TRPC7: variants seen among roughly 807,000 people sequenced by gnomAD.
TRPC7 encodes the protein short transient receptor potential channel 7.
TRPC7 carries 42 observed loss-of-function variants against 90.1 expected under a neutral mutation model. The ratio of observed to expected loss-of-function variants is 0.47; its 90% confidence interval spans 0.36 to 0.60. The LOEUF (loss-of-function observed/expected upper bound fraction) is 0.60, where lower values mean the gene tolerates loss of function less well. TRPC7 is among the 20% of genes least tolerant of loss of function. The probability of loss-of-function intolerance (pLI) is 0.00; values close to 1 mark genes in which losing one functional copy is unlikely to be tolerated. For missense variants in TRPC7, 955 were observed against 1,112.3 expected (o/e 0.86, Z 2.01); for synonymous variants, 451 against 436.3 (o/e 1.03, Z -0.42).
intron 3 of TRPC7, among the ~76,000 whole-genome samples, chr5:136,286,490 C>T (rs1757723628): frequency 1.3e-5 from 2 of 152,160 alleles, no homozygotes; most frequent in African/African-American, 4.8e-5. Context: ...CTCAAAATAT[C>T]CACGTGCAGG....
At chr5:136,321,615 G>A (rs1250032868) in intron 2 of TRPC7, among the ~76,000 whole-genome samples, 2 of 152,034 alleles carry the variant, frequency 1.3e-5, no homozygotes, top group African/African-American at 4.8e-5. Context: ...GCATGTAAAT[G>A]GCAATTTACA....
chr5:136,232,039 A>C (rs1173289621), intron 7 of TRPC7, among the ~76,000 whole-genome samples: 2 of 152,224 alleles, frequency 1.3e-5, no homozygotes, highest in African/African-American at 4.8e-5. Context: ...ATTTCTAAGA[A>C]GACTTTGAAA....
chr5:136,248,513 A>G (rs1393332346), intron 6 of TRPC7, among the ~76,000 whole-genome samples: 3 of 152,236 alleles, frequency 2.0e-5, no homozygotes, highest in African/African-American at 7.2e-5. Context: ...CCAGGAATCT[A>G]AAGGATCTTG....
In TRPC7 at chr5:136,356,974, C is replaced by G. The variant is rs753450293; in HGVS notation, c.414G>C (p.Thr138=). Reference sequence around the variant, plus strand: ...GCAGCTCCTGTTCCAGCGGGCTGAGCGTCAGGCGCTGGCCCTGCGCGAAGG... The same window carrying G: ...GCAGCTCCTGTTCCAGCGGGCTGAGGGTCAGGCGCTGGCCCTGCGCGAAGG... The part of the protein sequence containing the change: ...HPAFAQGQRL[T]LSPLEQELRD... The change falls in exon 2 of 12, where the codon ACG becomes ACC. Residue 138 remains threonine, a synonymous_variant. Coordinates refer to ENST00000513104, the MANE Select transcript of TRPC7 (RefSeq NM_020389.3). 6.2e-7 allele frequency: 1 copy of G among 1,612,250 alleles called. No individual in the cohort carries two copies. The highest frequency in any genetic ancestry group is 1.3e-5 in the African/African-American group (1 of 75,034).
intron 1 of TRPC7, among the ~76,000 whole-genome samples, chr5:136,361,724 T>G (rs1033413077): frequency 6.6e-6 from 1 of 152,176 alleles, no homozygotes; most frequent in East Asian, 1.9e-4. Context: ...CAACTGGATA[T>G]AGAACCAAAC....
At chr5:136,345,855 C>T (rs1341608291) in intron 2 of TRPC7, among the ~76,000 whole-genome samples, 1 of 152,066 alleles carries the variant, frequency 6.6e-6, no homozygotes, top group African/African-American at 2.4e-5. Flanking sequence ...AGTCTTTAAT[C>T]CATCTTGAAT....
chr5:136,362,052 T>A (rs1760584753), intron 1 of TRPC7, among the ~76,000 whole-genome samples: 1 of 152,166 alleles, frequency 6.6e-6, no homozygotes, highest in African/African-American at 2.4e-5. Flanking sequence ...TTATTAGAAT[T>A]GTCTCACATT....
chr5:136,331,322 A>C (rs1580964025), intron 2 of TRPC7, among the ~76,000 whole-genome samples: 2 of 152,252 alleles, frequency 1.3e-5, no homozygotes, highest in Admixed American at 1.3e-4. Flanking sequence ...GTATACATTC[A>C]TTTACTCATT....
chr5:136,217,150 G>T (rs777351778), intron 10 of TRPC7, among the ~76,000 whole-genome samples: 17 of 152,280 alleles, frequency 1.1e-4, no homozygotes, highest in South Asian at 2.1e-4. Context: ...CAGTGTGGAA[G>T]AGAGGAAGGG....
chr5:136,324,582 T>C (rs1759290262), intron 2 of TRPC7, among the ~76,000 whole-genome samples: 1 of 152,212 alleles, frequency 6.6e-6, no homozygotes, highest in Non-Finnish European at 1.5e-5. Context: ...TTGACATGAA[T>C]TTCTAGCCCT....
chr5:136,295,733 G>A (rs1395250381), intron 3 of TRPC7, among the ~76,000 whole-genome samples: 1 of 152,236 alleles, frequency 6.6e-6, no homozygotes, highest in Admixed American at 6.5e-5. Flanking sequence ...GAGAATCTGA[G>A]TAGTTTATCC....
chr5:136,317,935 T>A (rs187599583), intron 2 of TRPC7, among the ~76,000 whole-genome samples: 8 of 152,320 alleles, frequency 5.3e-5, no homozygotes, highest in African/African-American at 1.9e-4. Flanking sequence ...AGACTGTCAC[T>A]TCCCTGGGCT....
chr5:136,345,433 C>T (rs148692540), intron 2 of TRPC7, among the ~76,000 whole-genome samples: 1,773 of 152,082 alleles, frequency 0.012, 39 homozygotes, highest in East Asian at 0.085. Context: ...TGGTGGCAGG[C>T]GCCTGTAATC....
intron 8 of TRPC7, among the ~76,000 whole-genome samples, chr5:136,229,634 A>G (rs1755754325): frequency 6.6e-6 from 1 of 152,204 alleles, no homozygotes; most frequent in Non-Finnish European, 1.5e-5. Context: ...AGAAGGAGCC[A>G]ACCCTGCTGA....
intron 1 of TRPC7, among the ~76,000 whole-genome samples, chr5:136,359,711 G>T (rs918927815): frequency 6.6e-6 from 1 of 151,918 alleles, no homozygotes; most frequent in African/African-American, 2.4e-5. Context: ...TACCCTATTT[G>T]TATTCCCAAG....
chr5:136,293,614 C>T (rs959096487), intron 3 of TRPC7, among the ~76,000 whole-genome samples: 3 of 152,164 alleles, frequency 2.0e-5, no homozygotes, highest in African/African-American at 4.8e-5. Context: ...AGGAGAACTA[C>T]AAACCACTGC....
intron 7 of TRPC7, among the ~76,000 whole-genome samples, chr5:136,240,066 C>G (rs892126340): frequency 2.6e-5 from 4 of 152,228 alleles, no homozygotes; most frequent in African/African-American, 9.6e-5. Context: ...AACACTCTAT[C>G]AGGACTTATG....
intron 2 of TRPC7, 129 bp downstream of exon 2, chr5:136,356,479 C>G (rs952846319): frequency 1.0e-6 from 1 of 970,684 alleles, no homozygotes; most frequent in Non-Finnish European, 1.5e-6. Context: ...CCCTCCTCCC[C>G]TGGGCCTGCT....
chr5:136,304,543 A>T lies in TRPC7; in HGVS notation c.963+11054T>A, dbSNP rs1758536734. Among the ~76,000 whole-genome samples, 4 of 152,066 alleles carry T rather than the reference A, an allele frequency of 2.6e-5. No homozygotes were observed. The South Asian group carries it at 8.3e-4, about 32-fold the overall frequency. ...TCAATACCTCCCTCTACTACCCATT[A>T]TTCTGTTCTGGATCTCAAACATGCT... On this transcript the variant is annotated intron_variant, in intron 3 of 11. Transcript: ENST00000513104.
Sources: allele counts gnomAD v4.1 joint callset (sites outside exome capture counted in the v4.1 genomes callset), GRCh38; gene constraint gnomAD v4.1.1; transcripts MANE v1.5; gene names NCBI Gene and HGNC (gene_info 2026-07-23, HGNC 2026-07-21).